RGS22: variants seen among roughly 807,000 people sequenced by gnomAD.
RGS22 encodes regulator of G protein signaling 22.
Under a neutral mutation model 172.9 loss-of-function variants are expected in RGS22, and 148 were observed. The ratio of observed to expected loss-of-function variants is 0.86; its 90% CI spans 0.75 to 0.98. The LOEUF is 0.98. Ranked by LOEUF, RGS22 falls within the 50% of genes least tolerant of loss-of-function variation. The probability of loss-of-function intolerance (pLI) is 0.00; values close to 1 mark genes in which losing one functional copy is unlikely to be tolerated. For missense variants in RGS22, 1,347 were observed against 1,440.8 expected (o/e 0.93, Z 1.05); for synonymous variants, 458 against 480.2 (o/e 0.95, Z 0.60).
At chr8:100,094,409 G>A (rs1812810001) in intron 2 of RGS22, among the ~76,000 whole-genome samples, 1 of 151,948 alleles carries the variant, frequency 6.6e-6, no homozygotes, top group Admixed American at 6.6e-5. Context: ...AAAATTTATT[G>A]AAGTATATAG....
chr8:100,043,319 C>CG (rs1250195476), intron 11 of RGS22, among the ~76,000 whole-genome samples: 5 of 99,980 alleles, frequency 5.0e-5, no homozygotes, highest in Non-Finnish European at 1.0e-4. Context: ...TTGAACCTGT[C>CG]CCTCTATTCT....
intron 2 of RGS22, among the ~76,000 whole-genome samples, chr8:100,095,324 C>G (rs1812880522): frequency 6.6e-6 from 1 of 152,118 alleles, no homozygotes; most frequent in African/African-American, 2.4e-5. Flanking sequence ...TCTGGGACTA[C>G]AGGCACATGC....
chr8:100,076,134 A>AAT, intron 4 of RGS22, among the ~76,000 whole-genome samples: 1 of 152,256 alleles, frequency 6.6e-6, no homozygotes, highest in South Asian at 2.1e-4. Context: ...ATCCTTATAA[A>AAT]ATATATGATT....
chr8:99,979,765 A>T (rs747623242), intron 22 of RGS22, among the ~76,000 whole-genome samples: 13 of 152,216 alleles, frequency 8.5e-5, no homozygotes, highest in Non-Finnish European at 1.5e-4. Flanking sequence ...TGTCCAAAAA[A>T]TGCCTTCTCT....
intron 22 of RGS22, among the ~76,000 whole-genome samples, chr8:99,980,395 G>C (rs1040672203): frequency 1.3e-5 from 2 of 152,200 alleles, no homozygotes; most frequent in African/African-American, 4.8e-5. Flanking sequence ...AGGTAGTTGA[G>C]TGGAGATGTG....
At chr8:100,012,358 A>T (rs1489257307) in intron 14 of RGS22, among the ~76,000 whole-genome samples, 1 of 152,200 alleles carries the variant, frequency 6.6e-6, no homozygotes, top group Non-Finnish European at 1.5e-5. Context: ...TTTGCTGAGT[A>T]TATAAATAAG....
chr8:100,101,091 T>C (rs1813435781), intron 2 of RGS22, among the ~76,000 whole-genome samples: 1 of 152,184 alleles, frequency 6.6e-6, no homozygotes, highest in Non-Finnish European at 1.5e-5. Context: ...ACTTGCATAG[T>C]TGCAAACTAA....
Position 100,063,790 on chromosome 8 carries a change from T to C in RGS22, c.978A>G (p.Gly326=). Residue 326 remains glycine, a synonymous_variant, in exon 8 of 28, where the codon GGA becomes GGG. Coordinates refer to ENST00000360863, the MANE Select transcript of RGS22 (RefSeq NM_015668.5). ...LSSYIYFILR[G]AIQQIVGKPV... ...GCTTTCCAACAATTTGCTGAATTGC[T>C]CCTCTCAAAATAAAGTATATATAGG... 1 of 1,614,066 alleles carries C rather than the reference T, an allele frequency of 6.2e-7. No homozygotes were observed. Among genetic ancestry groups the C allele is most frequent in the East Asian group, 2.2e-5 (1 of 44,862 alleles).
rs945346977 is a variant in RGS22 at position 100,020,115 on chromosome 8, C to T, written c.2167-11546G>A. On this transcript the variant is annotated intron_variant, in intron 14 of 27. Transcript: ENST00000360863. ...GTCAGGCTGGTCTCTAACTCCCGAACTCAGGTGATCCACCCGCCTCGGCCT... is the reference window on the plus strand; with the variant it reads ...GTCAGGCTGGTCTCTAACTCCCGAATTCAGGTGATCCACCCGCCTCGGCCT... Among the ~76,000 whole-genome samples, 5 of 152,022 alleles carry T rather than the reference C, an allele frequency of 3.3e-5. No homozygotes were observed. In the East Asian group the frequency reaches 9.7e-4, roughly 29 times the overall value.
intron 8 of RGS22, 63 bp downstream of exon 8, chr8:100,063,353 T>C: frequency 8.0e-7 from 1 of 1,253,658 alleles, no homozygotes. Context: ...CTGTGCTAAA[T>C]AACCCAAATT....
intron 9 of RGS22, among the ~76,000 whole-genome samples, chr8:100,061,413 A>G (rs76105714): frequency 0.04 from 6,084 of 152,262 alleles, 423 homozygotes; most frequent in African/African-American, 0.14. Context: ...CTATGCATCA[A>G]ACGAAGATCT....
chr8:100,011,184 T>C (rs1816345913), intron 14 of RGS22, among the ~76,000 whole-genome samples: 1 of 152,212 alleles, frequency 6.6e-6, no homozygotes, highest in Non-Finnish European at 1.5e-5. Flanking sequence ...AGAGCATGAA[T>C]ATGATCTTTT....
At chr8:100,067,668 A>G (rs2131821657) in intron 6 of RGS22, among the ~76,000 whole-genome samples, 1 of 139,436 alleles carries the variant, frequency 7.2e-6, no homozygotes, top group South Asian at 2.2e-4. Flanking sequence ...TGTGTCACCC[A>G]GGCTGGAGTT....
intron 10 of RGS22, among the ~76,000 whole-genome samples, chr8:100,052,101 ATATAAATGTTTATATATATT>A (rs1821649585): frequency 1.6e-5 from 1 of 63,194 alleles, no homozygotes; most frequent in African/African-American, 5.5e-5. Context: ...ATATATTTAT[ATATAAATGTTTATATATATT>A]TATATATAAA....
intron 9 of RGS22, among the ~76,000 whole-genome samples, chr8:100,058,415 C>T (rs1809827678): frequency 6.6e-6 from 1 of 152,090 alleles, no homozygotes; most frequent in Non-Finnish European, 1.5e-5. Context: ...AATACTCAAA[C>T]TCCCAAAGGT....
At position 100,047,483 on chromosome 8, in the gene RGS22, C is replaced by T. The variant is rs757175643; in HGVS notation, c.1803G>A (p.Lys601=). The change falls in exon 11 of 28, where the codon AAG becomes AAA. Residue 601 remains lysine, a synonymous_variant. Transcript: ENST00000360863. ...KRELLYPGSS[K]DDVIEKGSKY... is the part of the protein sequence containing the mutation. Reference sequence around the variant, plus strand: ...CCTACCCTTTCTCAATCACATCATCCTTAGAAGAACCTGGATACAAAAGCT... The same window carrying T: ...CCTACCCTTTCTCAATCACATCATCTTTAGAAGAACCTGGATACAAAAGCT... The T allele has an allele frequency of 2.5e-6, 4 of 1,602,576 alleles. No homozygotes were observed. The highest frequency in any genetic ancestry group is 3.4e-6 in the Non-Finnish European group (4 of 1,175,316).
At chr8:99,969,462 A>T (rs1386823568) in intron 23 of RGS22, among the ~76,000 whole-genome samples, 1 of 152,204 alleles carries the variant, frequency 6.6e-6, no homozygotes, top group Non-Finnish European at 1.5e-5. Context: ...ATAAAGAGTC[A>T]AGACCCATCG....
chr8:100,033,362 A>G (rs1340810453), intron 14 of RGS22, among the ~76,000 whole-genome samples: 2 of 152,168 alleles, frequency 1.3e-5, no homozygotes, highest in African/African-American at 4.8e-5. Context: ...CAGAAATACA[A>G]ACTACCATCA....
At chr8:99,966,898 T>A (rs1367044159) in intron 23 of RGS22, among the ~76,000 whole-genome samples, 3 of 152,186 alleles carry the variant, frequency 2.0e-5, no homozygotes, top group Admixed American at 6.5e-5. Context: ...TCTTTCTGTT[T>A]CTATGAATTT....
Sources: gnomAD v4.1 joint callset for allele counts (sites outside exome capture counted in the v4.1 genomes callset) on GRCh38, gnomAD v4.1.1 for gene constraint, MANE v1.5 for transcripts, NCBI Gene and HGNC (gene_info 2026-07-23, HGNC 2026-07-21) for gene names.